The following CSMD1 variants were observed in gnomAD, a reference collection of about 807,000 sequenced individuals.
The protein encoded by CSMD1 is CUB and sushi domain-containing protein 1.
CSMD1 carries 213 observed loss-of-function variants against 417.5 expected under a neutral mutation model. The ratio of observed to expected loss-of-function variants is 0.51; its 90% CI spans 0.46 to 0.57. The LOEUF (loss-of-function observed/expected upper bound fraction) is 0.57, where lower values mean the gene tolerates loss of function less well. Ranked by LOEUF, CSMD1 falls within the 20% of genes least tolerant of loss-of-function variation. CSMD1 has a pLI of 0.00. For missense variants in CSMD1, 6,923 were observed against 4,529.7 expected, an observed-to-expected ratio of 1.53 and a Z score of -15.17; for synonymous variants, 2,862 against 1,736.8, an observed-to-expected ratio of 1.65 and a Z score of -16.11.
chr8:3,281,720 G>A (rs1367039715), intron 26 of CSMD1, among the ~76,000 whole-genome samples: 1 of 152,144 alleles, frequency 6.6e-6, no homozygotes, highest in Non-Finnish European at 1.5e-5. Flanking sequence ...GTTAGGGCAG[G>A]GAAATGACTG....
At position 3,939,932 on chromosome 8, in the gene CSMD1, G is replaced by T. The variant is rs555343783; in HGVS notation, c.818+57971C>A. Among the ~76,000 whole-genome samples the T allele has an allele frequency of 9.9e-5, 15 of 152,110 alleles. No homozygotes were observed. In the South Asian group the frequency reaches 1.5e-3, roughly 15 times the overall value. ...TCACTGTAAACTTCTCGGATGACAG[G>T]TGCACCGAATCTCAGAAATCACCAC... On this transcript the variant is annotated intron_variant, in intron 5 of 69. Transcript: ENST00000635120.
chr8:4,163,906 T>C (rs1014452771), intron 3 of CSMD1, among the ~76,000 whole-genome samples: 10 of 152,196 alleles, frequency 6.6e-5, no homozygotes, highest in African/African-American at 2.4e-4. Context: ...AAGGTTTGGT[T>C]ACTCGTTAGG....
At chr8:3,905,628 A>G (rs1808058831) in intron 5 of CSMD1, among the ~76,000 whole-genome samples, 1 of 152,146 alleles carries the variant, frequency 6.6e-6, no homozygotes, top group East Asian at 1.9e-4. Flanking sequence ...GAAAATTTAC[A>G]TTTCTAGCAC....
chr8:4,477,378 G>T (rs1219670512), intron 2 of CSMD1, among the ~76,000 whole-genome samples: 1 of 152,190 alleles, frequency 6.6e-6, no homozygotes, highest in Non-Finnish European at 1.5e-5. Flanking sequence ...CAAGCCATCG[G>T]CAACGCCTCG....
intron 3 of CSMD1, among the ~76,000 whole-genome samples, chr8:4,326,631 A>G (rs561526665): frequency 4.7e-4 from 71 of 152,344 alleles, no homozygotes; most frequent in African/African-American, 1.5e-3. Context: ...CAGAACATAT[A>G]GGATAAAAGC....
chr8:4,086,048 T>A (rs528231845), intron 3 of CSMD1, among the ~76,000 whole-genome samples: 1 of 152,216 alleles, frequency 6.6e-6, no homozygotes, highest in Non-Finnish European at 1.5e-5. Flanking sequence ...AAAAAATAGA[T>A]GCAATCAAGT....
intron 5 of CSMD1, among the ~76,000 whole-genome samples, chr8:3,810,726 T>C (rs916936005): frequency 1.3e-5 from 2 of 152,186 alleles, no homozygotes; most frequent in Non-Finnish European, 2.9e-5. Flanking sequence ...GAATTTGTTA[T>C]GAAAAAGCCT....
chr8:3,203,549 A>G (rs758656535), intron 31 of CSMD1, among the ~76,000 whole-genome samples: 1 of 152,234 alleles, frequency 6.6e-6, no homozygotes, highest in Non-Finnish European at 1.5e-5. Context: ...CGAACGGAAT[A>G]CAAAAAGCAA....
At chr8:3,536,928 G>A (rs549521169) in intron 10 of CSMD1, among the ~76,000 whole-genome samples, 22 of 152,296 alleles carry the variant, frequency 1.4e-4, no homozygotes, top group South Asian at 8.3e-4. Flanking sequence ...TGCCCTAGTC[G>A]TCAGTAGAGT....
At chr8:4,589,659 G>A (rs1799888136) in intron 2 of CSMD1, among the ~76,000 whole-genome samples, 2 of 152,122 alleles carry the variant, frequency 1.3e-5, no homozygotes, top group African/African-American at 4.8e-5. Flanking sequence ...TTTGCACTGT[G>A]AAGACCAAGC....
chr8:3,999,379 G>A (rs1019652214), intron 4 of CSMD1, among the ~76,000 whole-genome samples: 4 of 152,144 alleles, frequency 2.6e-5, no homozygotes, highest in Non-Finnish European at 5.9e-5. Flanking sequence ...ACCGAAGTGA[G>A]AGGAAATGAC....
At chr8:2,944,410 G>C (rs1802082694) in intron 68 of CSMD1, among the ~76,000 whole-genome samples, 1 of 152,194 alleles carries the variant, frequency 6.6e-6, no homozygotes. Flanking sequence ...ACAAGGGGTG[G>C]TGCTGTCCAA....
At chr8:4,633,268 A>G (rs564336968) in intron 2 of CSMD1, among the ~76,000 whole-genome samples, 1 of 151,610 alleles carries the variant, frequency 6.6e-6, no homozygotes, top group South Asian at 2.1e-4. Context: ...TTTTTTTTTG[A>G]TGGAGTTTCA....
intron 3 of CSMD1, among the ~76,000 whole-genome samples, chr8:4,210,566 C>T (rs1478669988): frequency 6.6e-6 from 1 of 152,030 alleles, no homozygotes; most frequent in Non-Finnish European, 1.5e-5. Flanking sequence ...ATAGGAAACA[C>T]AATATCTGAC....
At chr8:3,094,097 AT>A (rs35220378) in intron 47 of CSMD1, among the ~76,000 whole-genome samples, 37 of 142,526 alleles carry the variant, frequency 2.6e-4, no homozygotes, top group South Asian at 4.6e-4. Flanking sequence ...TTTTTATTTT[AT>A]TTTATTTTTT....
chr8:4,573,881 T>C (rs1248592845), intron 2 of CSMD1, among the ~76,000 whole-genome samples: 2 of 152,176 alleles, frequency 1.3e-5, no homozygotes, highest in Admixed American at 6.5e-5. Flanking sequence ...CAGTGGTGCG[T>C]TCTGCCCAGT....
intron 6 of CSMD1, among the ~76,000 whole-genome samples, chr8:3,749,047 G>A (rs1797192060): frequency 6.6e-6 from 1 of 152,106 alleles, no homozygotes; most frequent in African/African-American, 2.4e-5. Flanking sequence ...TAAAACTGGA[G>A]CCCAACACTT....
At chr8:3,825,700 T>C (rs915401016) in intron 5 of CSMD1, among the ~76,000 whole-genome samples, 5 of 152,038 alleles carry the variant, frequency 3.3e-5, no homozygotes, top group African/African-American at 9.7e-5. Flanking sequence ...CTCAAAGACA[T>C]AGTAGCTAGC....
rs531833381 is a variant in CSMD1, at chr8:3,397,107, G to A, written c.2406-726C>T. On this transcript the variant is annotated intron_variant, in intron 16 of 69. Coordinates refer to ENST00000635120, the MANE Select transcript of CSMD1 (RefSeq NM_033225.6). ...CCACTTGGCTCCCCTGTGATGCAATGTAGGTACCACTCCAGGCACGGAGAT... is the reference window on the plus strand; with the variant it reads ...CCACTTGGCTCCCCTGTGATGCAATATAGGTACCACTCCAGGCACGGAGAT... Among the ~76,000 whole-genome samples the A allele has an allele frequency of 5.9e-5, 9 of 152,060 alleles. No individual in the cohort carries two copies. The South Asian group carries it at 8.3e-4, about 14-fold the overall frequency.
Sources: gnomAD v4.1 joint callset for allele counts (sites outside exome capture counted in the v4.1 genomes callset) on GRCh38, gnomAD v4.1.1 for gene constraint, MANE v1.5 for transcripts, NCBI Gene and HGNC (gene_info 2026-07-23, HGNC 2026-07-21) for gene names.